SYT9: variants seen among roughly 807,000 people sequenced by gnomAD.
The protein encoded by SYT9 is synaptotagmin 9.
SYT9 carries 22 observed loss-of-function variants against 48.4 expected under a neutral mutation model. The ratio of observed to expected loss-of-function variants is 0.45; its 90% CI spans 0.32 to 0.65. SYT9 has a LOEUF of 0.65. Among genes scored for constraint, SYT9 ranks in the 30% least tolerant of loss-of-function variants. The pLI, the probability that SYT9 is intolerant of heterozygous loss-of-function variation, is 0.03. For missense variants in SYT9, 577 were observed against 622.0 expected, an observed-to-expected ratio of 0.93 and a Z score of 0.77; for synonymous variants, 265 against 245.0, an observed-to-expected ratio of 1.08 and a Z score of -0.76.
At chr11:7,441,395 T>G (rs1199398332) in intron 6 of SYT9, 1 of 152,242 alleles carries the variant, frequency 6.6e-6, no homozygotes, top group Non-Finnish European at 1.5e-5. Context: ...TGAAAACTTC[T>G]CCAGTTGCTT....
chr11:7,366,166 A>C (rs749787903), intron 3 of SYT9, among the ~76,000 whole-genome samples: 1 of 152,126 alleles, frequency 6.6e-6, no homozygotes, highest in African/African-American at 2.4e-5. Context: ...TGGTCTCTCT[A>C]TGGCTAGCAA....
At chr11:7,272,913 A>T (rs1420377158) in intron 1 of SYT9, among the ~76,000 whole-genome samples, 1 of 152,184 alleles carries the variant, frequency 6.6e-6, no homozygotes, top group Admixed American at 6.5e-5. Flanking sequence ...ACCCTCAATG[A>T]GTTAGGATTG....
chr11:7,357,712 A>G (rs78711518), intron 3 of SYT9, among the ~76,000 whole-genome samples: 1 of 151,970 alleles, frequency 6.6e-6, no homozygotes. Context: ...TTCCTACTCA[A>G]CTTTCCTCTC....
chr11:7,381,318 A>G (rs1251957182), intron 3 of SYT9, among the ~76,000 whole-genome samples: 1 of 152,248 alleles, frequency 6.6e-6, no homozygotes, highest in Non-Finnish European at 1.5e-5. Context: ...TTGGGACACA[A>G]TGATTTTTAG....
chr11:7,261,700 A>G (rs1328511978), intron 1 of SYT9, among the ~76,000 whole-genome samples: 1 of 152,126 alleles, frequency 6.6e-6, no homozygotes, highest in African/African-American at 2.4e-5. Context: ...ATACACACGT[A>G]GCAGGGGGAA....
At chr11:7,254,731 G>A (rs952562943) in intron 1 of SYT9, among the ~76,000 whole-genome samples, 7 of 152,136 alleles carry the variant, frequency 4.6e-5, no homozygotes, top group African/African-American at 1.2e-4. Flanking sequence ...GTCCATTCAC[G>A]GCCACCCTGT....
chr11:7,276,104 T>C (rs1848386302), intron 1 of SYT9, among the ~76,000 whole-genome samples: 1 of 152,178 alleles, frequency 6.6e-6, no homozygotes. Context: ...GTATGTTTTA[T>C]CTTCATGGGT....
At chr11:7,416,378 AC>A (rs1442382084) in intron 4 of SYT9, among the ~76,000 whole-genome samples, 5 of 152,176 alleles carry the variant, frequency 3.3e-5, no homozygotes, top group Non-Finnish European at 5.9e-5. Flanking sequence ...CGTCTGGCTC[AC>A]CGGGCTGTTG....
chr11:7,444,488 G>C (rs1847893338), intron 6 of SYT9: 1 of 152,000 alleles, frequency 6.6e-6, no homozygotes, highest in African/African-American at 2.4e-5. Context: ...ATTACGGAAA[G>C]AATTCAGCAT....
chr11:7,443,249 AG>A (rs1847861470), intron 6 of SYT9, among the ~76,000 whole-genome samples: 1 of 152,210 alleles, frequency 6.6e-6, no homozygotes, highest in South Asian at 2.1e-4. Flanking sequence ...CCTGGCACTG[AG>A]GTATAATGGG....
chr11:7,379,173 T>C (rs1217526694), intron 3 of SYT9, among the ~76,000 whole-genome samples: 1 of 152,184 alleles, frequency 6.6e-6, no homozygotes, highest in Middle Eastern at 3.2e-3. Context: ...AAAACTGCTG[T>C]CTTTGTTTTA....
intron 3 of SYT9, among the ~76,000 whole-genome samples, chr11:7,328,502 C>G (rs906719425): frequency 1.3e-5 from 2 of 152,094 alleles, no homozygotes; most frequent in African/African-American, 4.8e-5. Context: ...GTGTATTAAA[C>G]CTCCGTCAAA....
At chr11:7,287,234 G>C (rs992027215) in intron 1 of SYT9, among the ~76,000 whole-genome samples, 2 of 151,856 alleles carry the variant, frequency 1.3e-5, no homozygotes, top group Non-Finnish European at 2.9e-5. Context: ...CAGAGTGAAG[G>C]GGGGAAAAGC....
intron 1 of SYT9, among the ~76,000 whole-genome samples, chr11:7,282,237 A>AT (rs1339088791): frequency 6.6e-6 from 1 of 152,226 alleles, no homozygotes; most frequent in African/African-American, 2.4e-5. Flanking sequence ...GAAAATAAGC[A>AT]ACATTCTTTC....
chr11:7,268,214 G>A (rs1848227221), intron 1 of SYT9, among the ~76,000 whole-genome samples: 2 of 151,890 alleles, frequency 1.3e-5, no homozygotes, highest in South Asian at 4.1e-4. Flanking sequence ...AAGAATTAAA[G>A]GTCATCAGCA....
chr11:7,277,159 T>C (rs1848412780), intron 1 of SYT9, among the ~76,000 whole-genome samples: 1 of 152,230 alleles, frequency 6.6e-6, no homozygotes, highest in South Asian at 2.1e-4. Flanking sequence ...CTGTGTATTA[T>C]TTATCTTTTT....
intron 3 of SYT9, among the ~76,000 whole-genome samples, chr11:7,407,803 T>C (rs1428238080): frequency 2.6e-5 from 4 of 152,244 alleles, no homozygotes; most frequent in Admixed American, 2.0e-4. Flanking sequence ...GTATTCTTTC[T>C]CCTTGGTGCC....
At chr11:7,449,322 CAAAAAAAAAAAA>C (rs759372659) in intron 6 of SYT9, among the ~76,000 whole-genome samples, 7 of 44,770 alleles carry the variant, frequency 1.6e-4, no homozygotes, top group East Asian at 9.3e-4. Context: ...GACTCCACCT[CAAAAAAAAAAAA>C]AAAAAAAAAA....
chr11:7,383,766 CAT>C (rs1446653875), intron 3 of SYT9, among the ~76,000 whole-genome samples: 1 of 152,114 alleles, frequency 6.6e-6, no homozygotes, highest in African/African-American at 2.4e-5. Flanking sequence ...TGAGAAATTA[CAT>C]AGTTTATTTC....
Sources: allele counts gnomAD v4.1 joint callset (sites outside exome capture counted in the v4.1 genomes callset), GRCh38; gene constraint gnomAD v4.1.1; transcripts MANE v1.5; gene names NCBI Gene and HGNC (gene_info 2026-07-23, HGNC 2026-07-21).